Variants in SNTB2 observed in about 807,000 individuals in gnomAD.
SNTB2 encodes beta-2-syntrophin.
SNTB2 carries 34 observed loss-of-function variants against 46.2 expected under a neutral mutation model. That is an observed-to-expected ratio of 0.74 (90% CI 0.56 to 0.98). SNTB2 has a LOEUF of 0.98. SNTB2 is among the 50% of genes least tolerant of loss of function. The probability of loss-of-function intolerance (pLI) is 0.00; values close to 1 mark genes in which losing one functional copy is unlikely to be tolerated. For missense variants in SNTB2, 603 were observed against 731.4 expected, an observed-to-expected ratio of 0.82 and a Z score of 2.02; for synonymous variants, 290 against 312.6, an observed-to-expected ratio of 0.93 and a Z score of 0.76.
chr16:69,205,881 T>C (rs931476187), intron 1 of SNTB2, among the ~76,000 whole-genome samples: 5 of 152,228 alleles, frequency 3.3e-5, no homozygotes, highest in Admixed American at 2.0e-4. Context: ...ACCAATGTAT[T>C]ATTAAAAATA....
At chr16:69,191,955 A>G (rs1196795544) in intron 1 of SNTB2, among the ~76,000 whole-genome samples, 2 of 151,950 alleles carry the variant, frequency 1.3e-5, no homozygotes, top group African/African-American at 2.4e-5. Context: ...TTTGTTTTAA[A>G]TGGGAAAATA....
At chr16:69,293,623 C>T (rs986247507) in intron 5 of SNTB2, among the ~76,000 whole-genome samples, 5 of 152,046 alleles carry the variant, frequency 3.3e-5, no homozygotes, top group African/African-American at 1.2e-4. Flanking sequence ...GGGAGTGGTA[C>T]TTGGAGGTAA....
intron 5 of SNTB2, among the ~76,000 whole-genome samples, chr16:69,291,391 A>G (rs1965157784): frequency 6.6e-6 from 1 of 152,174 alleles, no homozygotes; most frequent in African/African-American, 2.4e-5. Context: ...TGACACACTG[A>G]TAACCACCAG....
chr16:69,200,925 G>A (rs1000294963), intron 1 of SNTB2, among the ~76,000 whole-genome samples: 1 of 152,150 alleles, frequency 6.6e-6, no homozygotes, highest in Non-Finnish European at 1.5e-5. Context: ...TTCTTCTTGT[G>A]GGGTAATGGC....
intron 2 of SNTB2, among the ~76,000 whole-genome samples, chr16:69,253,344 C>G (rs532643424): frequency 1.3e-5 from 2 of 151,874 alleles, no homozygotes; most frequent in Non-Finnish European, 2.9e-5. Context: ...CAAAATTTTT[C>G]TTTTCATAAA....
rs1343447767 is a variant in SNTB2, at chr16:69,302,662, GTCC to G, written c.*1743_*1745del. 2.6e-5 allele frequency: 4 copies of G among 152,214 alleles called. No individual in the cohort carries two copies. Among genetic ancestry groups the G allele is most frequent in the African/African-American group, 9.7e-5 (4 of 41,442 alleles). The allele number at this position is 152,214 out of a possible 1,614,324, so 9.4% of individuals were successfully genotyped here. On this transcript the variant is annotated 3_prime_UTR_variant, in exon 7 of 7. Transcript: ENST00000336278. Reference sequence around the variant, plus strand: ...ATTGTCCTCCTTCACCCATAAGTCAGTCCTCCTTCCTCATTACAGTGAAACCAA... The same window carrying G: ...ATTGTCCTCCTTCACCCATAAGTCAGTCCTTCCTCATTACAGTGAAACCAA...
At chr16:69,265,261 G>A (rs1361538623) in intron 3 of SNTB2, among the ~76,000 whole-genome samples, 5 of 151,958 alleles carry the variant, frequency 3.3e-5, no homozygotes, top group African/African-American at 4.8e-5. Context: ...GAAAAGAAAA[G>A]GCAAGACAAC....
chr16:69,300,694 C>T (rs1965270205), intron 6 of SNTB2, 138 bp from the exon 7 acceptor site: 1 of 629,694 alleles, frequency 1.6e-6, no homozygotes, highest in Non-Finnish European at 2.9e-6. Context: ...TGCACTTTTG[C>T]CTGTGGCTTT....
chr16:69,292,891 C>T (rs1567416703), intron 5 of SNTB2, among the ~76,000 whole-genome samples: 1 of 151,910 alleles, frequency 6.6e-6, no homozygotes, highest in Non-Finnish European at 1.5e-5. Context: ...AACAACATCC[C>T]CGTGGTGTGA....
chr16:69,206,901 G>A lies in SNTB2; in HGVS notation c.580+19155G>A, dbSNP rs532585729. On this transcript the variant is annotated intron_variant, in intron 1 of 6. Coordinates refer to ENST00000336278, the MANE Select transcript of SNTB2 (RefSeq NM_006750.4). ...CTGCCTCAGCATCCCTGGTAGCTGGGACTACAGGCGCCTGCCACCATGCCC... is the reference window on the plus strand; with the variant it reads ...CTGCCTCAGCATCCCTGGTAGCTGGAACTACAGGCGCCTGCCACCATGCCC... Among the ~76,000 whole-genome samples, 15 of 150,876 alleles carry A rather than the reference G, an allele frequency of 9.9e-5. No individual in the cohort carries two copies. In the South Asian group the frequency reaches 3.1e-3, roughly 32 times the overall value.
intron 3 of SNTB2, 99 bp downstream of exon 3, chr16:69,260,359 C>A: frequency 9.5e-7 from 1 of 1,055,760 alleles, no homozygotes; most frequent in Non-Finnish European, 1.4e-6. Context: ...GCAGTTAGGA[C>A]CTGGATATCT....
chr16:69,275,905 G>C (rs1360413231), intron 4 of SNTB2, among the ~76,000 whole-genome samples: 1 of 152,154 alleles, frequency 6.6e-6, no homozygotes. Flanking sequence ...CATGCTTAGA[G>C]TAATGTAAAT....
rs150942088 is a variant in SNTB2 at position 69,257,570 on chromosome 16, C to T, written c.795-2480C>T. 4.0e-3 allele frequency among the ~76,000 whole-genome samples: 611 copies of T among 152,046 alleles called. 5 individuals carry two copies. The highest frequency in any genetic ancestry group is 0.014 in the African/African-American group (573 of 41,506). ...ATGCCATTCTTCTGCCTCAGCCTCC[C>T]GAGTAGCTGGGACTACAGGCGCCCA... On this transcript the variant is annotated intron_variant, in intron 2 of 6. Transcript: ENST00000336278.
At chr16:69,237,577 C>CTTTT (rs926025846) in intron 1 of SNTB2, among the ~76,000 whole-genome samples, 20 of 136,450 alleles carry the variant, frequency 1.5e-4, no homozygotes, top group South Asian at 9.5e-4. Context: ...GCCAGCATTT[C>CTTTT]TTTTTTTTTC....
At chr16:69,232,576 A>G (rs1218741025) in intron 1 of SNTB2, among the ~76,000 whole-genome samples, 2 of 122,176 alleles carry the variant, frequency 1.6e-5, no homozygotes, top group Non-Finnish European at 3.1e-5. Context: ...CAGTGGCCCC[A>G]TCTTGGCTCG....
At chr16:69,217,341 G>T (rs1228070582) in intron 1 of SNTB2, among the ~76,000 whole-genome samples, 1 of 152,100 alleles carries the variant, frequency 6.6e-6, no homozygotes. Flanking sequence ...GAACATTGTG[G>T]CATGCACCTG....
In SNTB2 at chr16:69,305,967, ATG is replaced by A. The variant is rs912288045; in HGVS notation, c.*5048_*5049del. Reference sequence around the variant, plus strand: ...TGCTGGATACATAGACACTCGATAAATGTGTGATGATAGTTCTAAAATAATTA... The same window carrying A: ...TGCTGGATACATAGACACTCGATAAATGTGATGATAGTTCTAAAATAATTA... On this transcript the variant is annotated 3_prime_UTR_variant, in exon 7 of 7. Transcript: ENST00000336278. 6.6e-6 allele frequency: 1 copy of A among 152,114 alleles called. No individual in the cohort carries two copies. Among genetic ancestry groups the A allele is most frequent in the African/African-American group, 2.4e-5 (1 of 41,422 alleles). The allele number at this position is 152,114 out of a possible 1,614,324, so 9.4% of individuals were successfully genotyped here.
chr16:69,191,907 C>G (rs112686192), intron 1 of SNTB2, among the ~76,000 whole-genome samples: 5 of 152,176 alleles, frequency 3.3e-5, no homozygotes, highest in Non-Finnish European at 7.3e-5. Flanking sequence ...TCCCAAAGTG[C>G]TGGGATTACA....
intron 1 of SNTB2, among the ~76,000 whole-genome samples, chr16:69,197,710 A>G (rs1310459054): frequency 6.6e-6 from 1 of 152,216 alleles, no homozygotes; most frequent in East Asian, 1.9e-4. Context: ...CCCAAATGAA[A>G]CAAAATCTGT....
Sources: gnomAD v4.1 joint callset for allele counts (sites outside exome capture counted in the v4.1 genomes callset) on GRCh38, gnomAD v4.1.1 for gene constraint, MANE v1.5 for transcripts, NCBI Gene and HGNC (gene_info 2026-07-23, HGNC 2026-07-21) for gene names.